The following DDAH1 variants were observed in gnomAD, a reference collection of about 807,000 sequenced individuals.
The protein encoded by DDAH1 is dimethylarginine dimethylaminohydrolase 1.
Under a neutral mutation model 28.8 loss-of-function variants are expected in DDAH1, and 19 were observed. The observed-to-expected ratio is 0.66, with a 90% CI of 0.46 to 0.97. The LOEUF is 0.97. Among genes scored for constraint, DDAH1 ranks in the 50% least tolerant of loss-of-function variants. The pLI is 0.00. For missense variants in DDAH1, 326 were observed against 375.9 expected, an observed-to-expected ratio of 0.87 and a Z score of 1.10; for synonymous variants, 153 against 154.4, an observed-to-expected ratio of 0.99 and a Z score of 0.07.
At chr1:85,338,496 C>G (rs1648269911) in intron 4 of DDAH1, among the ~76,000 whole-genome samples, 1 of 152,106 alleles carries the variant, frequency 6.6e-6, no homozygotes, top group African/African-American at 2.4e-5. Flanking sequence ...AAGGACATAA[C>G]AATTTACTTT....
chr1:85,451,569 C>A (rs1410323059), intron 1 of DDAH1, among the ~76,000 whole-genome samples: 1 of 152,168 alleles, frequency 6.6e-6, no homozygotes, highest in Non-Finnish European at 1.5e-5. Context: ...CTGTCCCCTG[C>A]CAGTCCTCAG....
chr1:85,539,319 G>A (rs1217845367), intron 1 of DDAH1, among the ~76,000 whole-genome samples: 14 of 152,028 alleles, frequency 9.2e-5, no homozygotes, highest in Admixed American at 5.2e-4. Flanking sequence ...GCTAATTTCT[G>A]TATTTTTAGT....
rs563534671 is a variant in DDAH1 at position 85,486,331 on chromosome 1, A to T, written c.-7+9835T>A. On this transcript the variant is annotated intron_variant, in intron 2 of 6. Coordinates refer to the DDAH1 transcript ENST00000426972. ...ATGGGAATGCTCACCAGAGTTTTCA[A>T]ACCACAGACACACAAATCTGCAAAA... 1.7e-3 allele frequency among the ~76,000 whole-genome samples: 256 copies of T among 152,326 alleles called. 1 individual carries two copies. Among genetic ancestry groups the T allele is most frequent in the African/African-American group, 5.2e-3 (215 of 41,576 alleles).
At chr1:85,359,844 A>T (rs1043688342) in intron 1 of DDAH1, among the ~76,000 whole-genome samples, 12 of 152,222 alleles carry the variant, frequency 7.9e-5, no homozygotes, top group African/African-American at 2.7e-4. Flanking sequence ...GAATTAAGGA[A>T]CACTTCTATT....
At chr1:85,553,681 A>G (rs1658870197) in intron 1 of DDAH1, among the ~76,000 whole-genome samples, 1 of 152,232 alleles carries the variant, frequency 6.6e-6, no homozygotes, top group Non-Finnish European at 1.5e-5. Flanking sequence ...TCTGATAGAC[A>G]GTACAGTCTA....
intron 2 of DDAH1, among the ~76,000 whole-genome samples, chr1:85,473,622 T>A (rs891407186): frequency 6.6e-6 from 1 of 152,160 alleles, no homozygotes; most frequent in Non-Finnish European, 1.5e-5. Flanking sequence ...TATTTGCTTT[T>A]GTGGTATTAA....
intron 2 of DDAH1, among the ~76,000 whole-genome samples, chr1:85,484,805 G>T (rs999647074): frequency 6.6e-6 from 1 of 152,118 alleles, no homozygotes; most frequent in Non-Finnish European, 1.5e-5. Context: ...TGTAGAAGTT[G>T]GCTGATTTGA....
intron 1 of DDAH1, among the ~76,000 whole-genome samples, chr1:85,550,793 G>A (rs779861116): frequency 6.6e-6 from 1 of 152,074 alleles, no homozygotes; most frequent in Admixed American, 6.6e-5. Context: ...CCCTGAGCAC[G>A]TATGTATTAA....
chr1:85,492,593 T>G (rs921429783), intron 2 of DDAH1, among the ~76,000 whole-genome samples: 4 of 152,166 alleles, frequency 2.6e-5, no homozygotes, highest in Non-Finnish European at 5.9e-5. Flanking sequence ...TCCTTTGTGA[T>G]CCTGTTGATG....
At chr1:85,528,862 T>C (rs1308606156) in intron 1 of DDAH1, among the ~76,000 whole-genome samples, 1 of 151,512 alleles carries the variant, frequency 6.6e-6, no homozygotes, top group East Asian at 1.9e-4. Flanking sequence ...TAATTCCAGC[T>C]ACTCAAGAGG....
At chr1:85,450,050 T>C (rs1052576307) in intron 1 of DDAH1, among the ~76,000 whole-genome samples, 2 of 152,240 alleles carry the variant, frequency 1.3e-5, no homozygotes, top group East Asian at 1.9e-4. Context: ...ATCTAAAAGC[T>C]GATACTCAGG....
chr1:85,502,319 A>G (rs566822142), intron 1 of DDAH1, among the ~76,000 whole-genome samples: 2 of 152,298 alleles, frequency 1.3e-5, no homozygotes, highest in Admixed American at 1.3e-4. Context: ...TTTGCTGACT[A>G]CACCCCACGC....
intron 1 of DDAH1, among the ~76,000 whole-genome samples, chr1:85,518,261 T>A (rs1657543984): frequency 6.6e-6 from 1 of 152,132 alleles, no homozygotes; most frequent in Non-Finnish European, 1.5e-5. Flanking sequence ...TCACCACAAT[T>A]TTATGGGCAT....
chr1:85,354,697 A>C (rs1309244522), intron 2 of DDAH1, among the ~76,000 whole-genome samples: 5 of 152,168 alleles, frequency 3.3e-5, no homozygotes, highest in African/African-American at 1.2e-4. Flanking sequence ...TGAATGAATC[A>C]AAGATTAAAT....
At chr1:85,480,549 A>G (rs1655972258) in intron 2 of DDAH1, among the ~76,000 whole-genome samples, 1 of 152,172 alleles carries the variant, frequency 6.6e-6, no homozygotes, top group Non-Finnish European at 1.5e-5. Context: ...GTTTGAGATC[A>G]GCCTGACCAA....
chr1:85,501,147 C>T (rs765036948), intron 1 of DDAH1, among the ~76,000 whole-genome samples: 9 of 152,096 alleles, frequency 5.9e-5, no homozygotes, highest in Admixed American at 2.6e-4. Flanking sequence ...AGACATTAAA[C>T]GCTACATTAT....
intron 1 of DDAH1, among the ~76,000 whole-genome samples, chr1:85,452,565 G>A (rs888308365): frequency 4.0e-5 from 6 of 151,812 alleles, no homozygotes; most frequent in African/African-American, 1.5e-4. Context: ...TGACCTACTA[G>A]AGTAATTTTA....
upstream of DDAH1, among the ~76,000 whole-genome samples, chr1:85,466,713 A>T (rs1323850570): frequency 6.6e-6 from 1 of 152,136 alleles, no homozygotes; most frequent in Non-Finnish European, 1.5e-5. Flanking sequence ...AAATCACTTA[A>T]TGGTGTCCTC....
chr1:85,560,633 C>A (rs1195840762), intron 1 of DDAH1, among the ~76,000 whole-genome samples: 1 of 151,590 alleles, frequency 6.6e-6, no homozygotes, highest in African/African-American at 2.4e-5. Flanking sequence ...ATATTGCAAA[C>A]CCCAGAGCAA....
Sources: gnomAD v4.1 joint callset for allele counts (sites outside exome capture counted in the v4.1 genomes callset) on GRCh38, gnomAD v4.1.1 for gene constraint, MANE v1.5 for transcripts, NCBI Gene and HGNC (gene_info 2026-07-23, HGNC 2026-07-21) for gene names.